The following ROBO2 variants were observed in gnomAD, a reference collection of about 807,000 sequenced individuals.
ROBO2 encodes the protein roundabout homolog 2.
A neutral mutation model predicts 160.8 loss-of-function variants in ROBO2; 53 were observed. That is an observed-to-expected ratio of 0.33 (90% CI 0.26 to 0.41). ROBO2 has a LOEUF of 0.41. ROBO2 is among the 10% of genes least tolerant of loss of function. The pLI, the probability that ROBO2 is intolerant of heterozygous loss-of-function variation, is 1.00. For synonymous variants in ROBO2, 664 were observed against 611.7 expected (o/e 1.09, Z -1.26); for missense variants, 1,577 against 1,722.4 (o/e 0.92, Z 1.49).
chr3:76,585,331 A>G (rs939031313), intron 2 of ROBO2, among the ~76,000 whole-genome samples: 4 of 152,242 alleles, frequency 2.6e-5, no homozygotes, highest in Non-Finnish European at 5.9e-5. Context: ...ATGCCACATT[A>G]ACATGAAAAA....
chr3:76,095,648 A>G (rs1027732854), intron 2 of ROBO2, among the ~76,000 whole-genome samples: 7 of 152,212 alleles, frequency 4.6e-5, no homozygotes, highest in Admixed American at 4.6e-4. Flanking sequence ...GGATAACAAC[A>G]AAACTCCACA....
At chr3:77,463,166 A>T (rs765309995) in intron 2 of ROBO2, among the ~76,000 whole-genome samples, 1 of 152,174 alleles carries the variant, frequency 6.6e-6, no homozygotes, top group Non-Finnish European at 1.5e-5. Context: ...ACTTGAATTT[A>T]AAAAGTGGGT....
chr3:77,581,505 T>C (rs532376818), intron 16 of ROBO2, among the ~76,000 whole-genome samples: 12 of 152,232 alleles, frequency 7.9e-5, no homozygotes, highest in Non-Finnish European at 1.8e-4. Context: ...TTTATTTCCA[T>C]ATGTTTTTCT....
intron 1 of ROBO2, among the ~76,000 whole-genome samples, chr3:77,078,745 G>T (rs987923956): frequency 1.3e-5 from 2 of 152,070 alleles, no homozygotes; most frequent in Non-Finnish European, 2.9e-5. Flanking sequence ...GTCACTGGCT[G>T]TCTTAGGGCT....
At chr3:76,641,189 A>G (rs147507697) in intron 2 of ROBO2, among the ~76,000 whole-genome samples, 2,440 of 152,264 alleles carry the variant, frequency 0.016, 35 homozygotes, top group South Asian at 0.057. Flanking sequence ...GTTTTGACAT[A>G]CCACCCCAAG....
chr3:76,667,711 GGCTCA>G (rs758992974), intron 2 of ROBO2, among the ~76,000 whole-genome samples: 41,493 of 151,180 alleles, frequency 0.27, 6,199 homozygotes, highest in East Asian at 0.52. Flanking sequence ...CAGACTTTTT[GGCTCA>G]TAAGTGCTCT....
At chr3:76,746,682 C>A (rs2093898097) in intron 2 of ROBO2, among the ~76,000 whole-genome samples, 2 of 152,128 alleles carry the variant, frequency 1.3e-5, no homozygotes, top group African/African-American at 4.8e-5. Flanking sequence ...GGTACATAGG[C>A]AGGATGTTCA....
intron 2 of ROBO2, among the ~76,000 whole-genome samples, chr3:76,372,193 A>G (rs1038634166): frequency 2.0e-5 from 3 of 152,074 alleles, no homozygotes; most frequent in Admixed American, 6.6e-5. Flanking sequence ...CCAGGACTAT[A>G]CATAAGTGTT....
At chr3:76,292,429 G>A (rs535174471) in intron 2 of ROBO2, among the ~76,000 whole-genome samples, 47 of 152,220 alleles carry the variant, frequency 3.1e-4, no homozygotes, top group South Asian at 2.3e-3. Flanking sequence ...TGGCGTCTAC[G>A]ATGAGTGAGT....
chr3:77,603,105 G>T, intron 20 of ROBO2: 3 of 456,380 alleles, frequency 6.6e-6, no homozygotes, highest in Non-Finnish European at 1.3e-5. Context: ...TGTCACCAGC[G>T]TATGACCTGT....
chr3:76,288,973 T>C (rs1305301340), intron 2 of ROBO2, among the ~76,000 whole-genome samples: 1 of 152,190 alleles, frequency 6.6e-6, no homozygotes, highest in Non-Finnish European at 1.5e-5. Flanking sequence ...CATGTGACTT[T>C]ATGGTAGAAA....
At chr3:76,749,437 A>T (rs1049508104) in intron 2 of ROBO2, among the ~76,000 whole-genome samples, 14 of 151,948 alleles carry the variant, frequency 9.2e-5, no homozygotes, top group Non-Finnish European at 1.3e-4. Flanking sequence ...GGAGAAACTT[A>T]TTAAAAGATA....
chr3:76,495,506 G>C (rs1438749021), intron 2 of ROBO2, among the ~76,000 whole-genome samples: 1 of 151,814 alleles, frequency 6.6e-6, no homozygotes, highest in South Asian at 2.1e-4. Context: ...TTAATCATTT[G>C]TTCACTAGCA....
chr3:77,198,522 A>G (rs1012683984), intron 2 of ROBO2, among the ~76,000 whole-genome samples: 2 of 152,228 alleles, frequency 1.3e-5, no homozygotes, highest in African/African-American at 4.8e-5. Context: ...CAATGTCCCA[A>G]TAGTGGGACA....
intron 2 of ROBO2, among the ~76,000 whole-genome samples, chr3:77,028,142 C>T (rs1468825147): frequency 1.3e-5 from 2 of 152,030 alleles, no homozygotes; most frequent in East Asian, 3.9e-4. Flanking sequence ...CTCATTAAAT[C>T]CCCTTCTTCA....
At chr3:77,248,266 C>T (rs2089958438) in intron 2 of ROBO2, among the ~76,000 whole-genome samples, 1 of 152,172 alleles carries the variant, frequency 6.6e-6, no homozygotes, top group Admixed American at 6.5e-5. Flanking sequence ...CATTTACCAT[C>T]TCCAGTTAGT....
At chr3:76,066,952 A>G (rs2068273407) in intron 2 of ROBO2, among the ~76,000 whole-genome samples, 2 of 152,106 alleles carry the variant, frequency 1.3e-5, no homozygotes, top group South Asian at 2.1e-4. Flanking sequence ...TTTCTTTTCA[A>G]TTGTCTTTTT....
chr3:76,572,215 A>G (rs188006287), intron 2 of ROBO2, among the ~76,000 whole-genome samples: 48 of 152,276 alleles, frequency 3.2e-4, no homozygotes, highest in African/African-American at 1.1e-3. Context: ...ACTGAAGCAC[A>G]GACAGGTTTT....
At chr3:77,473,551 T>G (rs2083613107) in intron 2 of ROBO2, among the ~76,000 whole-genome samples, 1 of 146,204 alleles carries the variant, frequency 6.8e-6, no homozygotes, top group African/African-American at 2.5e-5. Context: ...CCTCCCGGGT[T>G]CCTGCCATTC....
Sources: allele counts gnomAD v4.1 joint callset (sites outside exome capture counted in the v4.1 genomes callset), GRCh38; gene constraint gnomAD v4.1.1; transcripts MANE v1.5; gene names NCBI Gene and HGNC (gene_info 2026-07-23, HGNC 2026-07-21).